PIEZO2: variants seen among roughly 807,000 people sequenced by gnomAD.
The protein encoded by PIEZO2 is piezo-type mechanosensitive ion channel component 2.
PIEZO2 carries 172 observed loss-of-function variants against 337.3 expected under a neutral mutation model. That is an observed-to-expected ratio of 0.51 (90% CI 0.45 to 0.58). PIEZO2 has a LOEUF of 0.58. Ranked by LOEUF, PIEZO2 falls within the 20% of genes least tolerant of loss-of-function variation. PIEZO2 has a pLI of 0.00. For synonymous variants in PIEZO2, 1,251 were observed against 1,228.5 expected (o/e 1.02, Z -0.38); for missense variants, 3,028 against 3,391.3 (o/e 0.89, Z 2.66).
rs973390472 is a variant in PIEZO2, at chr18:11,001,221, T to C, written c.161-21561A>G. Among the ~76,000 whole-genome samples the C allele has an allele frequency of 2.0e-5, 3 of 152,154 alleles. No homozygotes were observed. Among genetic ancestry groups the C allele is most frequent in the Non-Finnish European group, 4.4e-5 (3 of 68,038 alleles). On this transcript the variant is annotated intron_variant, in intron 2 of 55. Coordinates refer to ENST00000674853, the MANE Select transcript of PIEZO2 (RefSeq NM_001378183.1). This position sits in a 1 kb window ranked among gnomAD's most constrained non-coding sequence, Gnocchi z 5.3. ...CCTGAAGGCAGGGCTGCCGCTAGCA[T>C]ATGGTCTCCAGCTCAGAAGGTACTT...
chr18:11,045,330 C>T (rs376633749), intron 2 of PIEZO2, among the ~76,000 whole-genome samples: 39 of 136,920 alleles, frequency 2.8e-4, no homozygotes, highest in African/African-American at 1.0e-3. Flanking sequence ...AAGAGAAAAC[C>T]TATTTGATAT....
rs1482839499 is a variant in PIEZO2 at position 10,676,481 on chromosome 18, T to A, written c.8082-1193A>T. On this transcript the variant is annotated intron_variant, in intron 53 of 55. Transcript: ENST00000674853. This position sits in a 1 kb window ranked among gnomAD's most constrained non-coding sequence, Gnocchi z 5.1. Reference sequence around the variant, plus strand: ...ATCTGTTGGAAGTGGAGTACTTAAGTGGCAGGATAGTATTTTGAGATATAT... The same window carrying A: ...ATCTGTTGGAAGTGGAGTACTTAAGAGGCAGGATAGTATTTTGAGATATAT... Among the ~76,000 whole-genome samples, 1 of 152,236 alleles carries A rather than the reference T, an allele frequency of 6.6e-6. No individual in the cohort carries two copies. Among genetic ancestry groups the A allele is most frequent in the Non-Finnish European group, 1.5e-5 (1 of 68,042 alleles).
intron 4 of PIEZO2, among the ~76,000 whole-genome samples, chr18:10,876,061 A>G (rs2042260519): frequency 6.6e-6 from 1 of 152,270 alleles, no homozygotes; most frequent in African/African-American, 2.4e-5. Context: ...ATACTTTTGA[A>G]AAGTATGCAC....
rs2036298677 is a variant in PIEZO2 at position 11,021,267 on chromosome 18, AAAG to A, written c.161-41610_161-41608del. On this transcript the variant is annotated intron_variant, in intron 2 of 55. Coordinates refer to ENST00000674853, the MANE Select transcript of PIEZO2 (RefSeq NM_001378183.1). This position sits in a 1 kb window ranked among gnomAD's most constrained non-coding sequence, Gnocchi z 4.7. ...TCAAGGAGACAGCTAATCTCCCTGG[AAAG>A]AACTCCCAAACCGGTTTTCCATGGA... Among the ~76,000 whole-genome samples, 2 of 152,336 alleles carry A rather than the reference AAAG, an allele frequency of 1.3e-5. No homozygotes were observed. The highest frequency in any genetic ancestry group is 4.1e-4 in the South Asian group (2 of 4,820).
rs375362490 is a variant in PIEZO2, at chr18:10,993,828, T to C, written c.161-14168A>G. ...AGGCGTGAGCCACCGCTCCTGGCCA[T>C]GTCTCTGCTTTTTTTTTATTATTAA... On this transcript the variant is annotated intron_variant, in intron 2 of 55. Transcript: ENST00000674853. The surrounding 1 kb of genome is among the most constrained non-coding windows in gnomAD (Gnocchi z 5.0). 1.1e-4 allele frequency among the ~76,000 whole-genome samples: 16 copies of C among 152,178 alleles called. No homozygotes were observed. In the South Asian group the frequency reaches 2.5e-3, roughly 24 times the overall value.
rs1444322566 is a variant in PIEZO2, at chr18:10,834,456, A to G, written c.917+20897T>C. 6.6e-6 allele frequency among the ~76,000 whole-genome samples: 1 copy of G among 152,210 alleles called. No individual in the cohort carries two copies. Among genetic ancestry groups the G allele is most frequent in the African/African-American group, 2.4e-5 (1 of 41,446 alleles). ...CTATTACAACTATGATATTATCACT[A>G]TTAGCCCAGCCCCACTCTGTGATGC... On this transcript the variant is annotated intron_variant, in intron 7 of 55. Transcript: ENST00000674853. This position sits in a 1 kb window ranked among gnomAD's most constrained non-coding sequence, Gnocchi z 4.5.
intron 5 of PIEZO2, among the ~76,000 whole-genome samples, chr18:10,869,703 C>A (rs1386397353): frequency 6.6e-6 from 1 of 152,180 alleles, no homozygotes; most frequent in East Asian, 1.9e-4. Context: ...TTTTAGGGCA[C>A]TAATGCATGC....
In PIEZO2 at chr18:10,973,084, AT is replaced by A. The variant is rs2034305521; in HGVS notation, c.286+6450del. 1.3e-5 allele frequency among the ~76,000 whole-genome samples: 2 copies of A among 152,210 alleles called. No homozygotes were observed. Among genetic ancestry groups the A allele is most frequent in the African/African-American group, 4.8e-5 (2 of 41,448 alleles). Reference sequence around the variant, plus strand: ...AATAGCATAAAAATTGTCATGAAAAATATTTGTCAGGATAAAATGAGATATT... The same window carrying A: ...AATAGCATAAAAATTGTCATGAAAAAATTTGTCAGGATAAAATGAGATATT... On this transcript the variant is annotated intron_variant, in intron 3 of 55. Coordinates refer to ENST00000674853, the MANE Select transcript of PIEZO2 (RefSeq NM_001378183.1). This position sits in a 1 kb window ranked among gnomAD's most constrained non-coding sequence, Gnocchi z 4.9.
intron 2 of PIEZO2, among the ~76,000 whole-genome samples, chr18:11,005,172 T>C (rs951309516): frequency 1.3e-4 from 20 of 152,196 alleles, no homozygotes; most frequent in African/African-American, 4.8e-4. Context: ...GGAAAAACAA[T>C]TAGGCTATTG....
chr18:10,761,026 G>C lies in PIEZO2; in HGVS notation c.3335C>G (p.Thr1112Arg), dbSNP rs759920772. ...QEYYRGRNNL[T>R]APVSRTIFHD... The stretch of plus-strand genomic sequence containing the variant: ...AAAGATAGTTCTAGACACAGGGGCC[G>C]TCAGGTTATTTCGACCTCGATAGTA... The change falls in exon 24 of 56, where the codon ACG becomes AGG. Residue 1112 changes from threonine (T) to arginine (R), a missense_variant. By Grantham distance (71) the Thr-to-Arg change is moderately conservative. This residue lies in a region of PIEZO2 where 1,925 missense variants were observed against 2,051.9 expected (regional missense o/e 0.94). Transcript: ENST00000674853. 5 of 1,536,738 alleles carry C rather than the reference G, an allele frequency of 3.3e-6. No individual in the cohort carries two copies. Among genetic ancestry groups the C allele is most frequent in the Non-Finnish European group, 4.4e-6 (5 of 1,146,418 alleles).
intron 3 of PIEZO2, among the ~76,000 whole-genome samples, chr18:10,923,572 A>T (rs4797492): frequency 0.41 from 62,561 of 152,076 alleles, 13,847 homozygotes; most frequent in South Asian, 0.62. Context: ...AAATGCCACA[A>T]CATCTTTGTA....
chr18:10,920,074 C>T (rs2031286734), intron 3 of PIEZO2, among the ~76,000 whole-genome samples: 1 of 152,110 alleles, frequency 6.6e-6, no homozygotes, highest in Admixed American at 6.5e-5. Flanking sequence ...ACAGTGTTCC[C>T]CCTAATTCAG....
rs1338652332 is a variant in PIEZO2 at position 11,129,779 on chromosome 18, C to T, written c.64+18746G>A. ...AGGGACTACTGGCTCTGGCTCTGAG[C>T]TGACGTTGGATCCAGGGGACCCAAA... On this transcript the variant is annotated intron_variant, in intron 1 of 55. Transcript: ENST00000674853. This position sits in a 1 kb window ranked among gnomAD's most constrained non-coding sequence, Gnocchi z 4.6. Among the ~76,000 whole-genome samples the T allele has an allele frequency of 6.6e-6, 1 of 152,148 alleles. No homozygotes were observed. The highest frequency in any genetic ancestry group is 2.1e-4 in the South Asian group (1 of 4,828).
At position 11,070,668 on chromosome 18, in the gene PIEZO2, G is replaced by A. The variant is rs556055749; in HGVS notation, c.65-4446C>T. ...GGTAAGGATGTCCTTGCAGGCCCTC[G>A]CAGAAGGGCTTCAGCCCAGAAGGAA... On this transcript the variant is annotated intron_variant, in intron 1 of 55. Coordinates refer to ENST00000674853, the MANE Select transcript of PIEZO2 (RefSeq NM_001378183.1). The surrounding 1 kb of genome is among the most constrained non-coding windows in gnomAD (Gnocchi z 4.3). Among the ~76,000 whole-genome samples, 133 of 152,282 alleles carry A rather than the reference G, an allele frequency of 8.7e-4. No individual in the cohort carries two copies. The highest frequency in any genetic ancestry group is 6.8e-3 in the Middle Eastern group (2 of 294).
chr18:10,898,248 C>T (rs1170540142), intron 4 of PIEZO2, among the ~76,000 whole-genome samples: 9 of 151,986 alleles, frequency 5.9e-5, no homozygotes, highest in Non-Finnish European at 1.3e-4. Flanking sequence ...GATGAAACCC[C>T]GTCTCTACTA....
At chr18:10,690,506 T>C (rs2143616132) in intron 48 of PIEZO2, among the ~76,000 whole-genome samples, 1 of 152,190 alleles carries the variant, frequency 6.6e-6, no homozygotes, top group African/African-American at 2.4e-5. Context: ...TGAATATAAA[T>C]CCAATCCCTG....
rs2041355780 is a variant in PIEZO2, at chr18:10,846,225, G to A, written c.917+9128C>T. Among the ~76,000 whole-genome samples, 1 of 152,178 alleles carries A rather than the reference G, an allele frequency of 6.6e-6. No homozygotes were observed. Among genetic ancestry groups the A allele is most frequent in the African/African-American group, 2.4e-5 (1 of 41,442 alleles). On this transcript the variant is annotated intron_variant, in intron 7 of 55. Transcript: ENST00000674853. The surrounding 1 kb of genome is among the most constrained non-coding windows in gnomAD (Gnocchi z 4.1). ...CACAATCATGGCAGAAGGCAAGGAG[G>A]AGCAAGTCACATCTTACACAGATGG...
At chr18:10,849,297 C>CCACT (rs1191736622) in intron 7 of PIEZO2, among the ~76,000 whole-genome samples, 1 of 152,226 alleles carries the variant, frequency 6.6e-6, no homozygotes, top group African/African-American at 2.4e-5. Flanking sequence ...CAGGCTTGGG[C>CCACT]CACTGCGCTT....
At chr18:10,788,212 G>A in intron 15 of PIEZO2, among the ~76,000 whole-genome samples, 1 of 152,106 alleles carries the variant, frequency 6.6e-6, no homozygotes. Flanking sequence ...AACCAGCCTG[G>A]CCAACATGGT....
Sources: allele counts gnomAD v4.1 joint callset (sites outside exome capture counted in the v4.1 genomes callset), GRCh38; gene constraint gnomAD v4.1.1; regional missense constraint gnomAD v4.1.1; non-coding constraint Gnocchi (gnomAD v3.1); transcripts MANE v1.5; gene names NCBI Gene and HGNC (gene_info 2026-07-23, HGNC 2026-07-21).